The following MYT1L variants were observed in gnomAD, a reference collection of about 807,000 sequenced individuals.
MYT1L encodes myelin transcription factor 1-like protein.
A neutral mutation model predicts 126.7 loss-of-function variants in MYT1L; 12 were observed. That is an observed-to-expected ratio of 0.09 (90% CI 0.06 to 0.15). The LOEUF (loss-of-function observed/expected upper bound fraction) is 0.15, where lower values mean the gene tolerates loss of function less well. Ranked by LOEUF, MYT1L falls within the 10% of genes least tolerant of loss-of-function variation. The pLI is 1.00. For missense variants in MYT1L, 979 were observed against 1,585.2 expected (o/e 0.62, Z 6.49); for synonymous variants, 541 against 604.2 (o/e 0.90, Z 1.53).
chr2:2,313,853 G>A (rs549482081), intron 1 of MYT1L, among the ~76,000 whole-genome samples: 20 of 152,104 alleles, frequency 1.3e-4, no homozygotes, highest in South Asian at 1.0e-3. Context: ...TACTTATCTC[G>A]ATACATACGT....
intron 18 of MYT1L, among the ~76,000 whole-genome samples, chr2:1,870,999 A>T (rs1402807291): frequency 6.6e-6 from 1 of 152,252 alleles, no homozygotes; most frequent in East Asian, 1.9e-4. Flanking sequence ...GGTGCACGGG[A>T]TCCACGAACA....
At chr2:2,113,107 A>G (rs1196875037) in intron 3 of MYT1L, among the ~76,000 whole-genome samples, 2 of 152,206 alleles carry the variant, frequency 1.3e-5, no homozygotes, top group Non-Finnish European at 1.5e-5. Flanking sequence ...GAAGAAGCAG[A>G]TTCCTAATAA....
chr2:2,026,623 G>C (rs576395935), intron 4 of MYT1L, among the ~76,000 whole-genome samples: 1 of 152,218 alleles, frequency 6.6e-6, no homozygotes, highest in African/African-American at 2.4e-5. Flanking sequence ...CCGTGGTGGA[G>C]GTTGTTCTGC....
rs115220646 is a variant in MYT1L, at chr2:2,049,818, C to T, written c.-158+4160G>A. Reference sequence around the variant, plus strand: ...CTGCCGCCAGTTAAGACATGGCTTTCGCCTTCTGCCATGATTGTGAGGCCT... The same window carrying T: ...CTGCCGCCAGTTAAGACATGGCTTTTGCCTTCTGCCATGATTGTGAGGCCT... On this transcript the variant is annotated intron_variant, in intron 4 of 24. Transcript: ENST00000647738. Among the ~76,000 whole-genome samples the T allele has an allele frequency of 7.6e-3, 1,161 of 152,318 alleles. 4 individuals carry two copies. The highest frequency in any genetic ancestry group is 0.01 in the Non-Finnish European group (685 of 68,028).
At chr2:2,157,785 A>T (rs2086970586) in intron 3 of MYT1L, among the ~76,000 whole-genome samples, 1 of 152,164 alleles carries the variant, frequency 6.6e-6, no homozygotes, top group Non-Finnish European at 1.5e-5. Flanking sequence ...TTGTCATAGA[A>T]ATATTTTTCC....
chr2:2,289,087 C>T (rs919353200), intron 1 of MYT1L, among the ~76,000 whole-genome samples: 3 of 152,138 alleles, frequency 2.0e-5, no homozygotes, highest in Admixed American at 1.3e-4. Flanking sequence ...ACGGAGCCCA[C>T]GATGACACTT....
At chr2:2,197,357 C>T (rs1349431798) in intron 2 of MYT1L, among the ~76,000 whole-genome samples, 1 of 152,026 alleles carries the variant, frequency 6.6e-6, no homozygotes, top group Admixed American at 6.6e-5. Context: ...GCAGAAGTAT[C>T]TCCAAAACAA....
chr2:2,249,682 C>T (rs908995324), intron 2 of MYT1L, among the ~76,000 whole-genome samples: 2 of 151,988 alleles, frequency 1.3e-5, no homozygotes, highest in Middle Eastern at 3.2e-3. Flanking sequence ...AATGGAATCA[C>T]ATCAAGTAAA....
chr2:2,250,484 A>G (rs536423560), intron 2 of MYT1L, among the ~76,000 whole-genome samples: 6 of 152,138 alleles, frequency 3.9e-5, no homozygotes, highest in African/African-American at 1.4e-4. Context: ...ATGAAGATAG[A>G]AAATAGAAGG....
At chr2:2,219,444 T>C (rs1366149151) in intron 2 of MYT1L, among the ~76,000 whole-genome samples, 1 of 152,230 alleles carries the variant, frequency 6.6e-6, no homozygotes, top group Admixed American at 6.5e-5. Context: ...AGAAGCAAAA[T>C]TTATTCAAAG....
At chr2:2,320,511 A>G (rs972080979) in intron 1 of MYT1L, among the ~76,000 whole-genome samples, 1 of 152,008 alleles carries the variant, frequency 6.6e-6, no homozygotes, top group Non-Finnish European at 1.5e-5. Context: ...GCCAGCAAAG[A>G]AAGGAATTTC....
chr2:2,168,082 A>G (rs907001577), intron 3 of MYT1L, among the ~76,000 whole-genome samples: 2 of 152,238 alleles, frequency 1.3e-5, no homozygotes, highest in Non-Finnish European at 2.9e-5. Context: ...ACCACAAATG[A>G]GAAACTCAAA....
At chr2:2,066,535 A>G (rs1045138907) in intron 3 of MYT1L, among the ~76,000 whole-genome samples, 3 of 152,194 alleles carry the variant, frequency 2.0e-5, no homozygotes, top group African/African-American at 7.2e-5. Flanking sequence ...TCTCATTCTT[A>G]CCAAAGTGCT....
chr2:2,176,408 TA>T (rs1170572165), intron 2 of MYT1L, among the ~76,000 whole-genome samples: 1 of 152,178 alleles, frequency 6.6e-6, no homozygotes, highest in Non-Finnish European at 1.5e-5. Flanking sequence ...TTTTGGCAAT[TA>T]AAAAGGTTCG....
intron 1 of MYT1L, among the ~76,000 whole-genome samples, chr2:2,288,912 T>C (rs544735697): frequency 2.0e-5 from 3 of 152,368 alleles, no homozygotes; most frequent in African/African-American, 7.2e-5. Flanking sequence ...GATAGCTTCT[T>C]AACTCAAAGT....
Position 1,793,323 on chromosome 2 carries a change from G to GC in MYT1L, c.3277-860dup, listed in dbSNP as rs1462615325. ...ACAGGACTAGCTTCACACGCAGCAG[G>GC]CGGGGAGCTGCCCTGCCCATGGGGG... On this transcript the variant is annotated intron_variant, in intron 23 of 24. Transcript: ENST00000647738. This position sits in a 1 kb window ranked among gnomAD's most constrained non-coding sequence, Gnocchi z 4.6. Among the ~76,000 whole-genome samples, 1 of 152,228 alleles carries GC rather than the reference G, an allele frequency of 6.6e-6. No individual in the cohort carries two copies. The highest frequency in any genetic ancestry group is 1.5e-5 in the Non-Finnish European group (1 of 68,042).
chr2:2,321,314 C>G (rs1056594390), intron 1 of MYT1L, among the ~76,000 whole-genome samples: 2 of 152,196 alleles, frequency 1.3e-5, no homozygotes, highest in African/African-American at 4.8e-5. Context: ...ATCTACCAGG[C>G]AGCTCCAGAG....
At chr2:2,297,873 G>C (rs2095718757) in intron 1 of MYT1L, among the ~76,000 whole-genome samples, 1 of 152,176 alleles carries the variant, frequency 6.6e-6, no homozygotes, top group Admixed American at 6.5e-5. Context: ...TCCCACAAAA[G>C]GGGATATTGA....
chr2:1,792,538 A>T, intron 23 of MYT1L, 74 bp from the exon 24 acceptor site: 1 of 1,508,176 alleles, frequency 6.6e-7, no homozygotes. Flanking sequence ...CGGGGGCCAC[A>T]GTCTACTGGG....
Sources: allele counts gnomAD v4.1 joint callset (sites outside exome capture counted in the v4.1 genomes callset), GRCh38; gene constraint gnomAD v4.1.1; non-coding constraint Gnocchi (gnomAD v3.1); transcripts MANE v1.5; gene names NCBI Gene and HGNC (gene_info 2026-07-23, HGNC 2026-07-21).